Variants in ADAMTSL3 observed in about 807,000 individuals in gnomAD.
ADAMTSL3 encodes the protein ADAMTS-like protein 3.
In ADAMTSL3, 128 loss-of-function variants were observed where a neutral mutation model predicts 201.7. The observed-to-expected ratio is 0.63, with a 90% CI of 0.55 to 0.73. ADAMTSL3 has a LOEUF of 0.73. ADAMTSL3 is among the 30% of genes least tolerant of loss of function. The pLI, the probability that ADAMTSL3 is intolerant of heterozygous loss-of-function variation, is 0.00. For missense variants in ADAMTSL3, 1,990 were observed against 2,119.6 expected (o/e 0.94, Z 1.20); for synonymous variants, 738 against 748.4 (o/e 0.99, Z 0.23).
intron 23 of ADAMTSL3, among the ~76,000 whole-genome samples, chr15:83,993,971 C>T (rs1567289085): frequency 6.6e-6 from 1 of 152,220 alleles, no homozygotes; most frequent in Non-Finnish European, 1.5e-5. Context: ...ATTCCTTAAG[C>T]TCATCAGAGA....
At chr15:83,897,134 T>C (rs1382889346) in intron 13 of ADAMTSL3, among the ~76,000 whole-genome samples, 2 of 152,104 alleles carry the variant, frequency 1.3e-5, no homozygotes, top group East Asian at 3.9e-4. Flanking sequence ...CAGATAAATT[T>C]GAAAAGCTAT....
intron 19 of ADAMTSL3, among the ~76,000 whole-genome samples, chr15:83,949,761 T>C (rs1024510007): frequency 1.3e-5 from 2 of 152,248 alleles, no homozygotes; most frequent in African/African-American, 4.8e-5. Context: ...CTGGTGATCA[T>C]TGATGTTGAT....
At chr15:83,810,994 C>T (rs1466143063) in intron 5 of ADAMTSL3, among the ~76,000 whole-genome samples, 2 of 152,170 alleles carry the variant, frequency 1.3e-5, no homozygotes, top group Admixed American at 6.5e-5. Context: ...CCACTTCGGC[C>T]TCCCAAAGTG....
At chr15:83,863,856 G>A (rs1013618237) in intron 8 of ADAMTSL3, among the ~76,000 whole-genome samples, 5 of 152,060 alleles carry the variant, frequency 3.3e-5, no homozygotes, top group African/African-American at 9.7e-5. Context: ...CAACAAAATT[G>A]ATAGACTGCT....
chr15:83,766,142 A>G (rs571478556), intron 3 of ADAMTSL3, among the ~76,000 whole-genome samples: 121 of 152,230 alleles, frequency 7.9e-4, no homozygotes, highest in African/African-American at 2.8e-3. Context: ...CCAAGGTACA[A>G]ATTGCTCCTG....
rs974366013 is a variant in ADAMTSL3, at chr15:83,987,217, C to T, written c.3717-1474C>T. 3.9e-5 allele frequency among the ~76,000 whole-genome samples: 6 copies of T among 152,212 alleles called. No individual in the cohort carries two copies. In the South Asian group the frequency reaches 6.2e-4, roughly 16 times the overall value. ...ACTGAAAATCTTGCCTTACTAACAG[C>T]GAGGTCTGCCATACTCTTGTTGCTC... On this transcript the variant is annotated intron_variant, in intron 21 of 29. Coordinates refer to ENST00000286744, the MANE Select transcript of ADAMTSL3 (RefSeq NM_207517.3).
rs746388374 is a variant in ADAMTSL3, at chr15:83,703,712, C to T, written c.70-677C>T. ...TTAAACCTCTTTTTCTTCCCAGTCTCGGGTATGTAGTTATCAGCAGCATGA... is the reference window on the plus strand; with the variant it reads ...TTAAACCTCTTTTTCTTCCCAGTCTTGGGTATGTAGTTATCAGCAGCATGA... On this transcript the variant is annotated intron_variant, in intron 2 of 29. Coordinates refer to ENST00000286744, the MANE Select transcript of ADAMTSL3 (RefSeq NM_207517.3). 5.3e-5 allele frequency among the ~76,000 whole-genome samples: 8 copies of T among 152,176 alleles called. No homozygotes were observed. In the East Asian group the frequency reaches 7.7e-4, roughly 15 times the overall value.
At chr15:83,794,104 C>T (rs1246784810) in intron 4 of ADAMTSL3, among the ~76,000 whole-genome samples, 3 of 152,100 alleles carry the variant, frequency 2.0e-5, no homozygotes, top group Non-Finnish European at 4.4e-5. Flanking sequence ...ATTAAAACTG[C>T]AATAAGATAT....
chr15:83,871,691 TC>T (rs1427598056), intron 9 of ADAMTSL3, among the ~76,000 whole-genome samples: 2 of 152,176 alleles, frequency 1.3e-5, no homozygotes, highest in African/African-American at 2.4e-5. Flanking sequence ...TGCTGGGGCA[TC>T]TTCCCTCATT....
intron 23 of ADAMTSL3, among the ~76,000 whole-genome samples, chr15:84,002,329 A>T (rs1451722429): frequency 1.3e-5 from 2 of 152,204 alleles, no homozygotes; most frequent in African/African-American, 4.8e-5. Context: ...ATTCAAGTAC[A>T]GCCTTGATGG....
chr15:83,968,170 A>G (rs1298910108), intron 19 of ADAMTSL3, among the ~76,000 whole-genome samples: 1 of 152,244 alleles, frequency 6.6e-6, no homozygotes, highest in Non-Finnish European at 1.5e-5. Flanking sequence ...AACAAAAGCC[A>G]AAATTGACAA....
At chr15:83,937,889 A>G (rs920361210) in intron 17 of ADAMTSL3, among the ~76,000 whole-genome samples, 1 of 150,918 alleles carries the variant, frequency 6.6e-6, no homozygotes, top group Admixed American at 6.6e-5. Context: ...TACTAGAAAG[A>G]TGCTAAGTGG....
chr15:83,942,843 T>A, intron 18 of ADAMTSL3, 55 bp downstream of exon 18: 1 of 1,606,098 alleles, frequency 6.2e-7, no homozygotes, highest in Non-Finnish European at 8.5e-7. Context: ...TGAGAGGCCC[T>A]GCACTGCACT....
At chr15:83,676,254 G>C (rs900848004) in intron 2 of ADAMTSL3, among the ~76,000 whole-genome samples, 3 of 151,264 alleles carry the variant, frequency 2.0e-5, no homozygotes, top group Non-Finnish European at 4.4e-5. Flanking sequence ...CTCTGTAACT[G>C]AGTTTGCCAT....
chr15:83,827,772 A>G lies in ADAMTSL3; in HGVS notation c.600+7725A>G, dbSNP rs185184152. Among the ~76,000 whole-genome samples, 855 of 152,184 alleles carry G rather than the reference A, an allele frequency of 5.6e-3. 19 individuals carry two copies. The highest frequency in any genetic ancestry group is 0.02 in the African/African-American group (819 of 41,460). On this transcript the variant is annotated intron_variant, in intron 6 of 29. Transcript: ENST00000286744. ...TTTGCCAGCACCATTTATTAAATAG[A>G]GAATCCTTTCCCCATTGCTTGTTTT...
intron 6 of ADAMTSL3, among the ~76,000 whole-genome samples, chr15:83,833,688 G>A (rs189494078): frequency 1.2e-4 from 18 of 152,184 alleles, no homozygotes; most frequent in East Asian, 5.8e-4. Flanking sequence ...GATATAATTC[G>A]GTAAAGAACA....
In ADAMTSL3 at chr15:83,913,371, C is replaced by T. The variant is rs1275021812; in HGVS notation, c.1980C>T (p.Cys660=). The change falls in exon 16 of 30, where the codon TGC becomes TGT. Residue 660 remains cysteine, a synonymous_variant. Transcript: ENST00000286744. ...GGTTCACCCCTTGCACAGCAACATG[C>T]GTGGGAGGTATTTGAACCTTTGCTT... ...YAGFTPCTAT[C]VGGHQEAIAV... is the part of the protein sequence containing the mutation. 1.2e-6 allele frequency: 2 copies of T among 1,613,092 alleles called. No individual in the cohort carries two copies. The highest frequency in any genetic ancestry group is 2.2e-5 in the East Asian group (1 of 44,868).
intron 5 of ADAMTSL3, among the ~76,000 whole-genome samples, chr15:83,806,809 C>T (rs1263659232): frequency 1.3e-5 from 2 of 152,082 alleles, no homozygotes; most frequent in Non-Finnish European, 2.9e-5. Flanking sequence ...GCTGAGATCA[C>T]ACCACTGCAC....
In ADAMTSL3 at chr15:83,910,667, C is replaced by T. The variant is rs1050958839; in HGVS notation, c.1701-2425C>T. ...TTTTTTTTTTTGAGATGGAGTCTCACTCTGTTACCCAGGCTGGAGTGCAGT... is the reference window on the plus strand; with the variant it reads ...TTTTTTTTTTTGAGATGGAGTCTCATTCTGTTACCCAGGCTGGAGTGCAGT... On this transcript the variant is annotated intron_variant, in intron 15 of 29. Coordinates refer to ENST00000286744, the MANE Select transcript of ADAMTSL3 (RefSeq NM_207517.3). Among the ~76,000 whole-genome samples, 8 of 148,956 alleles carry T rather than the reference C, an allele frequency of 5.4e-5. 1 individual carries two copies. Among genetic ancestry groups the T allele is most frequent in the African/African-American group, 1.7e-4 (7 of 40,480 alleles).
Sources: allele counts gnomAD v4.1 joint callset (sites outside exome capture counted in the v4.1 genomes callset), GRCh38; gene constraint gnomAD v4.1.1; transcripts MANE v1.5; gene names NCBI Gene and HGNC (gene_info 2026-07-23, HGNC 2026-07-21).